The following ADAMTS12 variants were observed in gnomAD, a reference collection of about 807,000 sequenced individuals.
The protein encoded by ADAMTS12 is ADAM metallopeptidase with thrombospondin type 1 motif 12.
A neutral mutation model predicts 167.8 loss-of-function variants in ADAMTS12; 118 were observed. That is an observed-to-expected ratio of 0.70 (90% CI 0.61 to 0.82). The LOEUF is 0.82. Among genes scored for constraint, ADAMTS12 ranks in the 40% least tolerant of loss-of-function variants. The probability of loss-of-function intolerance (pLI) is 0.00; values close to 1 mark genes in which losing one functional copy is unlikely to be tolerated. For synonymous variants in ADAMTS12, 704 were observed against 716.9 expected (o/e 0.98, Z 0.29); for missense variants, 1,916 against 1,998.8 (o/e 0.96, Z 0.79).
intron 21 of ADAMTS12, among the ~76,000 whole-genome samples, chr5:33,548,255 GATCAAAGATGGGCA>G (rs1489218447): frequency 6.6e-6 from 1 of 152,172 alleles, no homozygotes. Flanking sequence ...ATCATAGCAG[GATCAAAGATGGGCA>G]ATCAAAGATG....
intron 3 of ADAMTS12, among the ~76,000 whole-genome samples, chr5:33,705,266 GGTGT>G (rs70964413): frequency 0.15 from 22,172 of 143,806 alleles, 1,778 homozygotes; most frequent in East Asian, 0.27. Context: ...AGTATTCCAT[GGTGT>G]GTGTGTGTGT....
rs757103484 is a variant in ADAMTS12, at chr5:33,684,063, G to A, written c.635-8C>T. The A allele has an allele frequency of 6.5e-7, 1 of 1,546,104 alleles. No homozygotes were observed. Among genetic ancestry groups the A allele is most frequent in the South Asian group, 1.3e-5 (1 of 77,992 alleles). ...GGGAGATGTTAACACTGTCTAAACA[G>A]TAAACAGAAGACAATGGTCTAACAC... On this transcript the variant is annotated splice_polypyrimidine_tract_variant and splice_region_variant and intron_variant, in intron 3 of 23. Transcript: ENST00000504830.
At chr5:33,677,231 G>A (rs990643273) in intron 5 of ADAMTS12, among the ~76,000 whole-genome samples, 11 of 152,122 alleles carry the variant, frequency 7.2e-5, no homozygotes, top group Admixed American at 5.9e-4. Flanking sequence ...TGATGATGAT[G>A]ATAAAAATAA....
At chr5:33,691,598 A>G (rs1157692565) in intron 3 of ADAMTS12, among the ~76,000 whole-genome samples, 1 of 152,190 alleles carries the variant, frequency 6.6e-6, no homozygotes, top group Non-Finnish European at 1.5e-5. Flanking sequence ...CGAGACATGG[A>G]AGAGAGGTCT....
intron 16 of ADAMTS12, among the ~76,000 whole-genome samples, chr5:33,610,139 C>T (rs138654068): frequency 3.8e-4 from 58 of 152,286 alleles, no homozygotes; most frequent in Non-Finnish European, 7.2e-4. Flanking sequence ...CGAGATTGAG[C>T]CATTGTGCTC....
At chr5:33,878,237 T>C (rs1436557558) in intron 2 of ADAMTS12, among the ~76,000 whole-genome samples, 2 of 151,920 alleles carry the variant, frequency 1.3e-5, no homozygotes, top group African/African-American at 2.4e-5. Flanking sequence ...AGCCAAGTAG[T>C]GCACACACAG....
intron 18 of ADAMTS12, among the ~76,000 whole-genome samples, chr5:33,578,319 C>A (rs1746866906): frequency 6.6e-6 from 1 of 152,146 alleles, no homozygotes; most frequent in Non-Finnish European, 1.5e-5. Context: ...TGTTATTCTG[C>A]CTCCCACAAG....
At chr5:33,781,261 A>G (rs570821836) in intron 2 of ADAMTS12, among the ~76,000 whole-genome samples, 23 of 136,574 alleles carry the variant, frequency 1.7e-4, no homozygotes, top group South Asian at 6.4e-4. Flanking sequence ...GTGTGTGTGT[A>G]TATATATATA....
At chr5:33,857,787 C>T (rs1310664474) in intron 2 of ADAMTS12, among the ~76,000 whole-genome samples, 4 of 152,214 alleles carry the variant, frequency 2.6e-5, no homozygotes, top group Non-Finnish European at 5.9e-5. Flanking sequence ...AACCATGTCG[C>T]TTCACCTGGA....
chr5:33,601,106 AGTGTGTGTGTGT>A (rs55841502), intron 16 of ADAMTS12, among the ~76,000 whole-genome samples: 14 of 145,920 alleles, frequency 9.6e-5, no homozygotes, highest in Admixed American at 4.1e-4. Context: ...CACATTTAAG[AGTGTGTGTGTGT>A]GTGTGTGTGT....
chr5:33,775,995 T>C (rs559981974), intron 2 of ADAMTS12, among the ~76,000 whole-genome samples: 1 of 152,010 alleles, frequency 6.6e-6, no homozygotes, highest in African/African-American at 2.4e-5. Context: ...AATTATACAA[T>C]AAAGGAGTCA....
chr5:33,602,052 A>G (rs73080340), intron 16 of ADAMTS12, among the ~76,000 whole-genome samples: 2,809 of 152,294 alleles, frequency 0.018, 94 homozygotes, highest in African/African-American at 0.064. Context: ...ACAATGCCTC[A>G]CAGCTCTCAT....
chr5:33,626,597 A>ATGG (rs1187819267), intron 13 of ADAMTS12, among the ~76,000 whole-genome samples: 9 of 124,250 alleles, frequency 7.2e-5, no homozygotes, highest in South Asian at 2.9e-4. Flanking sequence ...AATGGTAATG[A>ATGG]TGGTGGTGGT....
At chr5:33,881,731 T>TTTG (rs1259730243) in intron 1 of ADAMTS12, among the ~76,000 whole-genome samples, 1 of 128,648 alleles carries the variant, frequency 7.8e-6, no homozygotes, top group East Asian at 2.5e-4. Flanking sequence ...CCTGGCTAAT[T>TTTG]TTGTTTTTTT....
At chr5:33,659,896 T>C (rs980997614) in intron 6 of ADAMTS12, among the ~76,000 whole-genome samples, 2 of 152,216 alleles carry the variant, frequency 1.3e-5, no homozygotes, top group African/African-American at 4.8e-5. Context: ...CAAGTGGTTT[T>C]CAATGAGGGT....
intron 2 of ADAMTS12, among the ~76,000 whole-genome samples, chr5:33,851,178 C>T (rs1039061496): frequency 1.3e-5 from 2 of 152,090 alleles, no homozygotes; most frequent in African/African-American, 4.8e-5. Flanking sequence ...TTTGGGAGGC[C>T]GAGGCAGGCA....
chr5:33,696,506 T>C (rs1742781161), intron 3 of ADAMTS12, among the ~76,000 whole-genome samples: 1 of 151,918 alleles, frequency 6.6e-6, no homozygotes, highest in Non-Finnish European at 1.5e-5. Context: ...TTAAATGAGG[T>C]TTGACAATAA....
intron 2 of ADAMTS12, among the ~76,000 whole-genome samples, chr5:33,874,949 T>A (rs1486336491): frequency 6.6e-6 from 1 of 152,110 alleles, no homozygotes; most frequent in Non-Finnish European, 1.5e-5. Flanking sequence ...GTGCCTATAA[T>A]CCTGGCTACT....
chr5:33,677,155 G>A (rs1476507065), intron 5 of ADAMTS12, among the ~76,000 whole-genome samples: 1 of 152,072 alleles, frequency 6.6e-6, no homozygotes, highest in Non-Finnish European at 1.5e-5. Flanking sequence ...TTCCTCCAAG[G>A]ACTTTGAAGT....
Sources: gnomAD v4.1 joint callset for allele counts (sites outside exome capture counted in the v4.1 genomes callset) on GRCh38, gnomAD v4.1.1 for gene constraint, MANE v1.5 for transcripts, NCBI Gene and HGNC (gene_info 2026-07-23, HGNC 2026-07-21) for gene names.